The following SLC30A7 variants were observed in gnomAD, a reference collection of about 807,000 sequenced individuals.
The protein encoded by SLC30A7 is zinc transporter 7.
Under a neutral mutation model 46.0 loss-of-function variants are expected in SLC30A7, and 35 were observed. The observed-to-expected ratio is 0.76, with a 90% confidence interval of 0.58 to 1.01. The LOEUF is 1.01. Ranked by LOEUF, SLC30A7 falls within the 50% of genes least tolerant of loss-of-function variation. SLC30A7 has a pLI of 0.00. For synonymous variants in SLC30A7, 147 were observed against 157.8 expected, an observed-to-expected ratio of 0.93 and a Z score of 0.51; for missense variants, 464 against 451.1, an observed-to-expected ratio of 1.03 and a Z score of -0.26.
downstream of SLC30A7, among the ~76,000 whole-genome samples, chr1:100,982,381 G>T (rs935176649): frequency 2.0e-5 from 3 of 152,046 alleles, no homozygotes; most frequent in Admixed American, 2.0e-4. Flanking sequence ...TCCCTATTTC[G>T]TAGAAGTTGC....
downstream of SLC30A7, among the ~76,000 whole-genome samples, chr1:100,985,535 A>C (rs1329368949): frequency 6.6e-6 from 1 of 152,218 alleles, no homozygotes; most frequent in Non-Finnish European, 1.5e-5. Context: ...AAGCTAAAGT[A>C]ATTAAGACAG....
At chr1:100,928,820 TA>T (rs1291751734) in intron 8 of SLC30A7, among the ~76,000 whole-genome samples, 1 of 152,098 alleles carries the variant, frequency 6.6e-6, no homozygotes, top group East Asian at 1.9e-4. Flanking sequence ...GGCACATTTT[TA>T]AAAAAATTAT....
intron 8 of SLC30A7, among the ~76,000 whole-genome samples, chr1:100,944,074 C>T (rs1213642788): frequency 6.6e-6 from 1 of 152,138 alleles, no homozygotes; most frequent in Non-Finnish European, 1.5e-5. Context: ...TTTTTCGAGA[C>T]AGGGTCTGGC....
downstream of SLC30A7, among the ~76,000 whole-genome samples, chr1:100,983,753 A>C (rs1306896259): frequency 6.6e-6 from 1 of 152,262 alleles, no homozygotes; most frequent in African/African-American, 2.4e-5. Flanking sequence ...TTTTTAAGTA[A>C]ACAAGATATT....
chr1:100,990,373 T>TGG, the SLC30A7 span: 2 of 1,598,354 alleles, frequency 1.3e-6, no homozygotes, highest in Non-Finnish European at 1.7e-6. Flanking sequence ...CATATATGGC[T>TGG]GAAATTTACA....
chr1:100,908,243 T>C (rs1354077536), intron 3 of SLC30A7, among the ~76,000 whole-genome samples: 1 of 151,902 alleles, frequency 6.6e-6, no homozygotes, highest in Non-Finnish European at 1.5e-5. Context: ...CTGGCTTGGC[T>C]TCTTTCTTTA....
chr1:100,941,431 A>G (rs991591394), intron 8 of SLC30A7: 1 of 419,224 alleles, frequency 2.4e-6, no homozygotes, highest in Non-Finnish European at 4.6e-6. Context: ...GATTTGACAC[A>G]GCTTCCCTAA....
intron 8 of SLC30A7, among the ~76,000 whole-genome samples, chr1:100,935,327 G>A (rs1246120034): frequency 6.6e-6 from 1 of 152,166 alleles, no homozygotes; most frequent in East Asian, 1.9e-4. Flanking sequence ...ATGAATTCTA[G>A]TATGTTTCTA....
At chr1:100,933,710 T>C (rs1290055782) in intron 8 of SLC30A7, among the ~76,000 whole-genome samples, 1 of 152,200 alleles carries the variant, frequency 6.6e-6, no homozygotes, top group Non-Finnish European at 1.5e-5. Context: ...AATGGTGGTT[T>C]CCAGCTTCAT....
intron 8 of SLC30A7, among the ~76,000 whole-genome samples, chr1:100,950,038 C>G (rs1409784716): frequency 6.6e-6 from 1 of 152,200 alleles, no homozygotes; most frequent in African/African-American, 2.4e-5. Context: ...CAACCAGGCC[C>G]TGTGAGATGA....
At chr1:100,911,258 C>T in intron 4 of SLC30A7, 108 bp downstream of exon 4, 2 of 728,796 alleles carry the variant, frequency 2.7e-6, no homozygotes. Flanking sequence ...ATATTGTGGA[C>T]AATCTTAGAT....
chr1:100,924,935 A>G (rs1275441100), intron 8 of SLC30A7, among the ~76,000 whole-genome samples: 2 of 152,250 alleles, frequency 1.3e-5, no homozygotes, highest in Non-Finnish European at 2.9e-5. Flanking sequence ...CCTCTCACCT[A>G]CTTAATCGTA....
intron 2 of SLC30A7, among the ~76,000 whole-genome samples, chr1:100,903,550 T>G (rs763518107): frequency 1.3e-5 from 2 of 152,166 alleles, no homozygotes; most frequent in Non-Finnish European, 2.9e-5. Flanking sequence ...TTATCATTTA[T>G]TCACCAATTC....
chr1:100,948,166 T>C (rs1335878731), intron 8 of SLC30A7, among the ~76,000 whole-genome samples: 1 of 152,232 alleles, frequency 6.6e-6, no homozygotes, highest in East Asian at 1.9e-4. Flanking sequence ...CAATTTGGCA[T>C]GTTTTTGCAG....
At chr1:100,960,798 G>C (rs1176118654) in intron 8 of SLC30A7, among the ~76,000 whole-genome samples, 4 of 152,042 alleles carry the variant, frequency 2.6e-5, no homozygotes, top group Non-Finnish European at 5.9e-5. Context: ...ATCACATGGA[G>C]AGCTTTTTGG....
At chr1:100,958,594 CT>C (rs1192281709) in intron 8 of SLC30A7, among the ~76,000 whole-genome samples, 1 of 152,164 alleles carries the variant, frequency 6.6e-6, no homozygotes, top group Non-Finnish European at 1.5e-5. Flanking sequence ...TGTGACTTTA[CT>C]TTCTTTACTT....
intron 8 of SLC30A7, among the ~76,000 whole-genome samples, chr1:100,927,770 G>C (rs768967367): frequency 6.6e-6 from 1 of 152,104 alleles, no homozygotes; most frequent in Non-Finnish European, 1.5e-5. Context: ...GAGAAATTAA[G>C]ATATAAAGGT....
In SLC30A7 at chr1:100,977,528, C is replaced by T. The variant is rs1656609041; in HGVS notation, c.*2671C>T. 1 of 152,126 alleles carries T rather than the reference C, an allele frequency of 6.6e-6. No individual in the cohort carries two copies. Among genetic ancestry groups the T allele is most frequent in the African/African-American group, 2.4e-5 (1 of 41,412 alleles). 9.4% of individuals were successfully genotyped at this position (152,126 alleles called of 1,614,324 possible). A position where few individuals can be genotyped will look rare whatever the true frequency, so the allele number is the denominator to read the frequency against. ...AAGTAGATAATTCCAATGAGAAATACTACCAGATTATTGTTATAAAATTAA... is the reference window on the plus strand; with the variant it reads ...AAGTAGATAATTCCAATGAGAAATATTACCAGATTATTGTTATAAAATTAA... On this transcript the variant is annotated 3_prime_UTR_variant, in exon 11 of 11. Coordinates refer to ENST00000357650, the MANE Select transcript of SLC30A7 (RefSeq NM_133496.5).
At chr1:100,899,097 G>A (rs1305936637) in intron 2 of SLC30A7, among the ~76,000 whole-genome samples, 1 of 152,160 alleles carries the variant, frequency 6.6e-6, no homozygotes, top group Non-Finnish European at 1.5e-5. Context: ...TCTCTTCAGT[G>A]GAACAATAGG....
Sources: gnomAD v4.1 joint callset for allele counts (sites outside exome capture counted in the v4.1 genomes callset) on GRCh38, gnomAD v4.1.1 for gene constraint, MANE v1.5 for transcripts, NCBI Gene and HGNC (gene_info 2026-07-23, HGNC 2026-07-21) for gene names.